The following TRAPPC9 variants were observed in gnomAD, a reference collection of about 807,000 sequenced individuals.
The protein encoded by TRAPPC9 is IKK2 binding protein.
In TRAPPC9, 83 loss-of-function variants were observed where a neutral mutation model predicts 124.0. The ratio of observed to expected loss-of-function variants is 0.67; its 90% confidence interval spans 0.56 to 0.80. The LOEUF (loss-of-function observed/expected upper bound fraction) is 0.80. TRAPPC9 is among the 30% of genes least tolerant of loss of function. The pLI, the probability that TRAPPC9 is intolerant of heterozygous loss-of-function variation, is 0.00. For synonymous variants in TRAPPC9, 638 were observed against 617.5 expected (o/e 1.03, Z -0.49); for missense variants, 1,302 against 1,508.3 (o/e 0.86, Z 2.27).
intron 3 of TRAPPC9, among the ~76,000 whole-genome samples, chr8:140,436,819 C>T (rs188602856): frequency 1.3e-3 from 198 of 152,324 alleles, no homozygotes; most frequent in African/African-American, 3.7e-3. Flanking sequence ...TTCAAGAAAA[C>T]CAAGTAAAAC....
chr8:140,135,303 A>G (rs1282801383), intron 17 of TRAPPC9, among the ~76,000 whole-genome samples: 1 of 152,108 alleles, frequency 6.6e-6, no homozygotes, highest in Non-Finnish European at 1.5e-5. Context: ...TAGAAACTCC[A>G]CTCCCAGATG....
intron 18 of TRAPPC9, among the ~76,000 whole-genome samples, chr8:140,011,331 G>C (rs1362801852): frequency 6.6e-6 from 1 of 151,378 alleles, no homozygotes; most frequent in African/African-American, 2.4e-5. Context: ...AACAGAGCAA[G>C]GGTCAGTCTC....
chr8:140,456,805 A>G (rs2071682476), intron 1 of TRAPPC9: 1 of 985,440 alleles, frequency 1.0e-6, no homozygotes, highest in Admixed American at 6.1e-5. Context: ...ATACCTTTCA[A>G]CTGGGCCTTG....
chr8:140,012,750 G>C (rs1418110775), intron 18 of TRAPPC9, among the ~76,000 whole-genome samples: 1 of 152,112 alleles, frequency 6.6e-6, no homozygotes, highest in Non-Finnish European at 1.5e-5. Context: ...CCTGCAACAC[G>C]GGGCAACACG....
chr8:139,765,931 C>G (rs1170037887), intron 21 of TRAPPC9, among the ~76,000 whole-genome samples: 1 of 152,200 alleles, frequency 6.6e-6, no homozygotes, highest in Non-Finnish European at 1.5e-5. Context: ...GCTTCTCCCC[C>G]ATCTGACCTC....
intron 19 of TRAPPC9, among the ~76,000 whole-genome samples, chr8:139,938,613 C>T (rs1193569384): frequency 2.6e-5 from 4 of 151,256 alleles, no homozygotes; most frequent in African/African-American, 7.3e-5. Flanking sequence ...ATGTGCAATT[C>T]CTTGAGACAC....
At chr8:140,185,949 A>G (rs2062346212) in intron 17 of TRAPPC9, among the ~76,000 whole-genome samples, 1 of 152,210 alleles carries the variant, frequency 6.6e-6, no homozygotes, top group Non-Finnish European at 1.5e-5. Context: ...GGTAGGAATT[A>G]GCCAACAAAA....
chr8:140,208,091 A>G (rs540344920), intron 17 of TRAPPC9, among the ~76,000 whole-genome samples: 1 of 152,020 alleles, frequency 6.6e-6, no homozygotes, highest in South Asian at 2.1e-4. Flanking sequence ...CAGAGGTTGC[A>G]GTGTGCCGAG....
At chr8:140,207,497 G>A (rs2131217749) in intron 17 of TRAPPC9, among the ~76,000 whole-genome samples, 1 of 152,308 alleles carries the variant, frequency 6.6e-6, no homozygotes, top group African/African-American at 2.4e-5. Flanking sequence ...AGCAAGAAAT[G>A]CAATAAAAGC....
intron 19 of TRAPPC9, among the ~76,000 whole-genome samples, chr8:139,972,231 G>A (rs778899820): frequency 1.2e-4 from 18 of 152,056 alleles, no homozygotes; most frequent in Non-Finnish European, 2.4e-4. Flanking sequence ...TGAGCAAAAC[G>A]CATTTAAGGA....
chr8:140,105,504 TTAGGAGAGAAAGCAGA>T (rs1474124182), intron 17 of TRAPPC9, among the ~76,000 whole-genome samples: 2 of 152,182 alleles, frequency 1.3e-5, no homozygotes, highest in African/African-American at 4.8e-5. Context: ...AGACACCTGC[TTAGGAGAGAAAGCAGA>T]GCGCCATGTG....
intron 17 of TRAPPC9, among the ~76,000 whole-genome samples, chr8:140,151,726 ACT>A (rs2061546503): frequency 6.6e-6 from 1 of 151,690 alleles, no homozygotes; most frequent in Non-Finnish European, 1.5e-5. Flanking sequence ...AACCCATAAT[ACT>A]CTTTCAGTTC....
chr8:140,444,448 C>T (rs977165160), intron 2 of TRAPPC9, among the ~76,000 whole-genome samples: 5 of 152,048 alleles, frequency 3.3e-5, no homozygotes, highest in East Asian at 1.9e-4. Context: ...AGGACGGAGG[C>T]GGTGAAGGGC....
intron 18 of TRAPPC9, among the ~76,000 whole-genome samples, chr8:139,996,973 C>T (rs766891036): frequency 2.6e-5 from 4 of 152,192 alleles, no homozygotes; most frequent in Non-Finnish European, 5.9e-5. Context: ...TCTCGAATGC[C>T]TGACCTCAGG....
intron 17 of TRAPPC9, among the ~76,000 whole-genome samples, chr8:140,130,889 A>T (rs7006743): frequency 0.051 from 7,844 of 152,314 alleles, 312 homozygotes; most frequent in African/African-American, 0.11. Context: ...AGCACAATAA[A>T]TGTTCAGTGT....
chr8:140,051,138 AAG>A (rs1246646214), intron 17 of TRAPPC9, among the ~76,000 whole-genome samples: 1 of 152,240 alleles, frequency 6.6e-6, no homozygotes, highest in African/African-American at 2.4e-5. Flanking sequence ...AGATGTTAGC[AAG>A]AGAGAAGTGC....
rs1271781025 is a variant in TRAPPC9, at chr8:139,825,980, G to A, written c.3055+59899C>T. Among the ~76,000 whole-genome samples, 2 of 152,190 alleles carry A rather than the reference G, an allele frequency of 1.3e-5. No homozygotes were observed. Among genetic ancestry groups the A allele is most frequent in the African/African-American group, 2.4e-5 (1 of 41,444 alleles). ...CATGATGAGGATGTGCAACAGCAGG[G>A]GAGCTCCAGGGCCCCTGTCCTCTCC... On this transcript the variant is annotated intron_variant, in intron 21 of 22. Transcript: ENST00000438773. The surrounding 1 kb of genome is among the most constrained non-coding windows in gnomAD (Gnocchi z 4.6).
rs372215130 is a variant in TRAPPC9 at position 140,451,239 on chromosome 8, G to A, written c.135C>T (p.Ser45=). 30 of 1,613,710 alleles carry A rather than the reference G, an allele frequency of 1.9e-5. No homozygotes were observed. The highest frequency in any genetic ancestry group is 9.3e-5 in the African/African-American group (7 of 74,924). Residue 45 remains serine (S), a synonymous_variant, in exon 2 of 23, where the codon AGC becomes AGT. Transcript: ENST00000438773. ...YKRICSVSQI[S]VRDSQRVLYI... ...AGAGGACTCGCTGGGAGTCCCGCAC[G>A]CTGATCTGACTCACAGAGCAAATCC...
intron 10 of TRAPPC9, among the ~76,000 whole-genome samples, chr8:140,310,078 T>G (rs1485242496): frequency 1.3e-5 from 2 of 152,230 alleles, no homozygotes; most frequent in African/African-American, 4.8e-5. Flanking sequence ...CATTTGGCAG[T>G]ACTATACTTG....
Sources: gnomAD v4.1 joint callset for allele counts (sites outside exome capture counted in the v4.1 genomes callset) on GRCh38, gnomAD v4.1.1 for gene constraint, Gnocchi (gnomAD v3.1) non-coding constraint, MANE v1.5 for transcripts, NCBI Gene and HGNC (gene_info 2026-07-23, HGNC 2026-07-21) for gene names.